Variants in LIX1L observed in about 807,000 individuals in gnomAD.
LIX1L encodes LIX1-like protein.
LIX1L carries 20 observed loss-of-function variants against 34.0 expected under a neutral mutation model. The observed-to-expected ratio is 0.59, with a 90% CI of 0.41 to 0.85. The LOEUF (loss-of-function observed/expected upper bound fraction) is 0.85. LIX1L is among the 40% of genes least tolerant of loss of function. LIX1L has a pLI of 0.00. For missense variants in LIX1L, 397 were observed against 447.0 expected (o/e 0.89, Z 1.01); for synonymous variants, 170 against 187.4 (o/e 0.91, Z 0.76).
In LIX1L at chr1:145,936,428, T is replaced by G; in HGVS notation, c.896A>C (p.Glu299Ala). ...GALSRELAST[E>A]RELDEARLAG... is the part of the protein sequence containing the mutation. Reference sequence around the variant, plus strand: ...CAGTCGGGCTTCATCCAGCTCCCGCTCAGTAGAGGCCAGCTCTCTAGACAG... The same window carrying G: ...CAGTCGGGCTTCATCCAGCTCCCGCGCAGTAGAGGCCAGCTCTCTAGACAG... Residue 299 changes from glutamate (E) to alanine (A), a missense_variant, in exon 6 of 6, where the codon GAG becomes GCG. This residue lies in a region of LIX1L where 174 missense variants were observed against 204.0 expected (regional missense o/e 0.85). Coordinates refer to ENST00000604000, the MANE Select transcript of LIX1L (RefSeq NM_153713.3). 1 of 1,614,126 alleles carries G rather than the reference T, an allele frequency of 6.2e-7. No individual in the cohort carries two copies. Among genetic ancestry groups the G allele is most frequent in the Non-Finnish European group, 8.5e-7 (1 of 1,180,038 alleles).
At chr1:145,954,164 C>A (rs1173600244) in intron 1 of LIX1L, among the ~76,000 whole-genome samples, 1 of 152,092 alleles carries the variant, frequency 6.6e-6, no homozygotes, top group African/African-American at 2.4e-5. Context: ...TGTCAGCAGC[C>A]ACCAGAAGCT....
intron 2 of LIX1L, chr1:145,947,340 T>A (rs587673214): frequency 5.6e-6 from 2 of 357,130 alleles, no homozygotes; most frequent in Non-Finnish European, 1.0e-5. Context: ...TGAAGCCAGA[T>A]TGGAACATGG....
At chr1:145,937,512 A>G (rs1648705739) in intron 4 of LIX1L, 92 bp downstream of exon 4, 1 of 758,374 alleles carries the variant, frequency 1.3e-6, no homozygotes, top group Non-Finnish European at 2.3e-6. Context: ...CTTTTCCAGT[A>G]TCAATGAGTT....
chr1:145,945,748 C>CAAA (rs1289472683), intron 2 of LIX1L, among the ~76,000 whole-genome samples: 1 of 78,388 alleles, frequency 1.3e-5, no homozygotes. Context: ...GACTCTATCT[C>CAAA]AAAAAAAAAA....
At chr1:145,954,210 C>T (rs902313446) in intron 1 of LIX1L, among the ~76,000 whole-genome samples, 1 of 152,176 alleles carries the variant, frequency 6.6e-6, no homozygotes, top group Non-Finnish European at 1.5e-5. Flanking sequence ...CCTAGAGCTT[C>T]TGGAGGGAGC....
In LIX1L at chr1:145,933,465, T is replaced by C. The variant is rs1467668727; in HGVS notation, c.*2845A>G. 2.6e-5 allele frequency: 4 copies of C among 152,158 alleles called. No individual in the cohort carries two copies. Among genetic ancestry groups the C allele is most frequent in the African/African-American group, 7.2e-5 (3 of 41,422 alleles). The allele number at this position is 152,158 out of a possible 1,614,324, so 9.4% of individuals were successfully genotyped here. ...ATTTTTAATTGTATAAAATTATACA[T>C]ATAAAATACATAGAATGTACTAAGA... On this transcript the variant is annotated 3_prime_UTR_variant, in exon 6 of 6. Coordinates refer to ENST00000604000, the MANE Select transcript of LIX1L (RefSeq NM_153713.3).
At chr1:145,954,249 C>T (rs1649395016) in intron 1 of LIX1L, among the ~76,000 whole-genome samples, 1 of 151,922 alleles carries the variant, frequency 6.6e-6, no homozygotes, top group African/African-American at 2.4e-5. Context: ...TGATTTTGGC[C>T]CAGTAATACT....
chr1:145,953,778 G>C (rs1649378651), intron 1 of LIX1L, among the ~76,000 whole-genome samples: 2 of 152,160 alleles, frequency 1.3e-5, no homozygotes, highest in South Asian at 4.1e-4. Flanking sequence ...GGCAGGATGG[G>C]CACACTGACT....
Position 145,940,707 on chromosome 1 carries a change from C to T in LIX1L, c.597+2006G>A, listed in dbSNP as rs782294398. Among the ~76,000 whole-genome samples the T allele has an allele frequency of 2.6e-5, 4 of 151,256 alleles. No individual in the cohort carries two copies. The East Asian group carries it at 5.8e-4, about 22-fold the overall frequency. Reference sequence around the variant, plus strand: ...CTGGGACTACAGGCGCGCACCACCACACCTGGCTAATTTTTTTTTTTTTTT... The same window carrying T: ...CTGGGACTACAGGCGCGCACCACCATACCTGGCTAATTTTTTTTTTTTTTT... On this transcript the variant is annotated intron_variant, in intron 3 of 5. Transcript: ENST00000604000.
chr1:145,949,482 A>T (rs1011673207), intron 1 of LIX1L, among the ~76,000 whole-genome samples: 2 of 152,156 alleles, frequency 1.3e-5, no homozygotes, highest in Non-Finnish European at 2.9e-5. Context: ...TATGGCTATG[A>T]AAGAGTGAGG....
chr1:145,942,742 T>G lies in LIX1L; in HGVS notation c.568A>C (p.Ser190Arg). 1 of 1,614,084 alleles carries G rather than the reference T, an allele frequency of 6.2e-7. No individual in the cohort carries two copies. Among genetic ancestry groups the G allele is most frequent in the Non-Finnish European group, 8.5e-7 (1 of 1,179,958 alleles). ...AAAGATGCCAGGGCCTCAGAGACAC[T>G]CTTCTCGATGAACTCATCAGTGATT... ...RRITDEFIEK[S>R]VSEALASFNG... Residue 190 changes from serine to arginine, a missense_variant, in exon 3 of 6, where the codon AGT becomes CGT. Transcript: ENST00000604000.
chr1:145,936,113 A>G lies in LIX1L; in HGVS notation c.*197T>C. 1 of 619,836 alleles carries G rather than the reference A, an allele frequency of 1.6e-6. No homozygotes were observed. Among genetic ancestry groups the G allele is most frequent in the Non-Finnish European group, 2.7e-6 (1 of 373,098 alleles). The allele number at this position is 619,836 out of a possible 1,614,324, so 38.4% of individuals were successfully genotyped here. Reference sequence around the variant, plus strand: ...TTGTAAAGTGGACTGAAGATGTTTCAAATAAAACTACATCCAAAAACTGGT... The same window carrying G: ...TTGTAAAGTGGACTGAAGATGTTTCGAATAAAACTACATCCAAAAACTGGT... On this transcript the variant is annotated 3_prime_UTR_variant, in exon 6 of 6. Coordinates refer to ENST00000604000, the MANE Select transcript of LIX1L (RefSeq NM_153713.3).
At chr1:145,950,391 T>G (rs190819335) in intron 1 of LIX1L, 154 of 152,268 alleles carry the variant, frequency 1.0e-3, no homozygotes, top group African/African-American at 3.5e-3. Context: ...TGTTGTTTTT[T>G]TTCTAAACAG....
chr1:145,943,758 G>A (rs1212369163), intron 2 of LIX1L, among the ~76,000 whole-genome samples: 7 of 152,016 alleles, frequency 4.6e-5, no homozygotes, highest in Non-Finnish European at 7.4e-5. Context: ...GACCAAGGCC[G>A]GGCTTGGTGG....
intron 5 of LIX1L, 54 bp from the exon 6 acceptor site, chr1:145,936,606 AC>A: frequency 6.3e-7 from 1 of 1,594,906 alleles, no homozygotes; most frequent in Non-Finnish European, 8.6e-7. Flanking sequence ...TTCATATCAT[AC>A]CACACTGACC....
At chr1:145,950,803 C>T (rs1387393635) in intron 1 of LIX1L, among the ~76,000 whole-genome samples, 1 of 152,178 alleles carries the variant, frequency 6.6e-6, no homozygotes, top group Non-Finnish European at 1.5e-5. Flanking sequence ...CTACAGGAAG[C>T]GTGGTTCCTT....
In LIX1L at chr1:145,936,953, C is replaced by T; in HGVS notation, c.726G>A (p.Trp242Ter). ...CCCTCATGGCCTTAAGGCTGCCATT[C>T]CAGTGTAGCAGTTGAAAAACTGTCA... ...ELMTVFQLLH[W>*]NGSLKAMRER... The change falls in exon 5 of 6, where the codon TGG (tryptophan) becomes TGA (stop). Residue 242 changes from tryptophan to a stop codon, truncating the protein, a stop_gained. Coordinates refer to ENST00000604000, the MANE Select transcript of LIX1L (RefSeq NM_153713.3). LOFTEE classifies it high-confidence loss of function. The T allele has an allele frequency of 6.2e-7, 1 of 1,613,496 alleles. No homozygotes were observed. The highest frequency in any genetic ancestry group is 8.5e-7 in the Non-Finnish European group (1 of 1,179,584).
At chr1:145,950,568 G>A (rs868962269) in intron 1 of LIX1L, among the ~76,000 whole-genome samples, 41 of 151,660 alleles carry the variant, frequency 2.7e-4, no homozygotes, top group African/African-American at 7.3e-4. Flanking sequence ...GGGTTTCACC[G>A]TGTTAGCCAG....
chr1:145,937,559 G>T, intron 4 of LIX1L, 45 bp downstream of exon 4: 1 of 1,182,980 alleles, frequency 8.5e-7, no homozygotes, highest in Non-Finnish European at 1.3e-6. Context: ...TACAGTAGCA[G>T]GCTGACCCAT....
Sources: allele counts gnomAD v4.1 joint callset (sites outside exome capture counted in the v4.1 genomes callset), GRCh38; gene constraint gnomAD v4.1.1; regional missense constraint gnomAD v4.1.1; transcripts MANE v1.5; gene names NCBI Gene and HGNC (gene_info 2026-07-23, HGNC 2026-07-21).